The following ZDHHC7 variants were observed in gnomAD, a reference collection of about 807,000 sequenced individuals.
ZDHHC7 encodes the protein zDHHC palmitoyltransferase 7.
In ZDHHC7, 12 loss-of-function variants were observed where a neutral mutation model predicts 34.1. The ratio of observed to expected loss-of-function variants is 0.35; its 90% CI spans 0.23 to 0.57. The LOEUF (loss-of-function observed/expected upper bound fraction) is 0.57, where lower values mean the gene tolerates loss of function less well. ZDHHC7 is among the 20% of genes least tolerant of loss of function. ZDHHC7 has a pLI of 0.84. For missense variants in ZDHHC7, 388 were observed against 402.7 expected (o/e 0.96, Z 0.31); for synonymous variants, 185 against 155.4 (o/e 1.19, Z -1.42).
At chr16:84,985,497 A>C (rs995436070) in intron 3 of ZDHHC7, among the ~76,000 whole-genome samples, 1 of 152,254 alleles carries the variant, frequency 6.6e-6, no homozygotes, top group Non-Finnish European at 1.5e-5. Context: ...ACAGGGATGT[A>C]AACTGCAAAC....
rs1358598511 is a variant in ZDHHC7, at chr16:84,974,798, C to T, written c.*1545G>A. 1 of 152,668 alleles carries T rather than the reference C, an allele frequency of 6.6e-6. No homozygotes were observed. The highest frequency in any genetic ancestry group is 1.5e-5 in the Non-Finnish European group (1 of 68,060). 9.5% of individuals were successfully genotyped at this position (152,668 alleles called of 1,614,324 possible). A position where few individuals can be genotyped will look rare whatever the true frequency, so the allele number is the denominator to read the frequency against. On this transcript the variant is annotated 3_prime_UTR_variant, in exon 8 of 8. Transcript: ENST00000313732. ...GCGGTGACCAAGTCCACTTCCAAAC[C>T]CCCTGCAGGTTTGCTCGCTTGGCTA...
At chr16:84,997,938 A>G (rs1424494392) in intron 1 of ZDHHC7, among the ~76,000 whole-genome samples, 2 of 147,862 alleles carry the variant, frequency 1.4e-5, no homozygotes, top group Non-Finnish European at 1.5e-5. Context: ...CCCAGAGAGG[A>G]GAACTAGAAG....
chr16:85,014,089 C>G (rs1011829045), upstream of ZDHHC7, among the ~76,000 whole-genome samples: 4 of 152,128 alleles, frequency 2.6e-5, no homozygotes, highest in African/African-American at 9.7e-5. Flanking sequence ...ATCTTTGCGC[C>G]CATTTTAAAG....
rs1177444976 is a variant in ZDHHC7 at position 84,976,038 on chromosome 16, C to T, written c.*305G>A. On this transcript the variant is annotated 3_prime_UTR_variant, in exon 8 of 8. Transcript: ENST00000313732. ...TGATTGGAAACAGCAGCTCAGGACCCAGGATTTGAATAACCCATGTAATAA... is the reference window on the plus strand; with the variant it reads ...TGATTGGAAACAGCAGCTCAGGACCTAGGATTTGAATAACCCATGTAATAA... 2.9e-6 allele frequency: 1 copy of T among 346,910 alleles called. No individual in the cohort carries two copies. Among genetic ancestry groups the T allele is most frequent in the South Asian group, 3.4e-5 (1 of 29,184 alleles). The allele number at this position is 346,910 out of a possible 1,614,324, so 21.5% of individuals were successfully genotyped here.
chr16:85,001,374 G>A (rs974324936), intron 1 of ZDHHC7, among the ~76,000 whole-genome samples: 3 of 150,050 alleles, frequency 2.0e-5, no homozygotes, highest in African/African-American at 7.4e-5. Context: ...GGGCAGCTGA[G>A]GCAGGAAAAT....
chr16:84,991,927 C>T (rs2072514793), intron 2 of ZDHHC7, among the ~76,000 whole-genome samples: 1 of 152,078 alleles, frequency 6.6e-6, no homozygotes. Flanking sequence ...GGACCGGGCA[C>T]AGTGGCTCAT....
intron 2 of ZDHHC7, among the ~76,000 whole-genome samples, chr16:84,993,685 C>A (rs893026025): frequency 6.6e-6 from 1 of 152,080 alleles, no homozygotes; most frequent in Admixed American, 6.5e-5. Context: ...TAAAAATAAT[C>A]ATTTGAGTGA....
At chr16:84,998,463 G>A (rs915524878) in intron 1 of ZDHHC7, among the ~76,000 whole-genome samples, 20 of 152,220 alleles carry the variant, frequency 1.3e-4, no homozygotes, top group African/African-American at 4.6e-4. Flanking sequence ...TTTTCTGCCT[G>A]AGTCAACCCC....
At chr16:85,015,890 G>A (rs185014428), upstream of ZDHHC7, among the ~76,000 whole-genome samples, 80 of 152,028 alleles carry the variant, frequency 5.3e-4, no homozygotes, top group African/African-American at 1.9e-3. Flanking sequence ...CTCAGGGCCT[G>A]CTATCTGTCA....
At chr16:85,004,020 C>G (rs942645348) in intron 1 of ZDHHC7, among the ~76,000 whole-genome samples, 1 of 152,048 alleles carries the variant, frequency 6.6e-6, no homozygotes, top group Admixed American at 6.6e-5. Flanking sequence ...CTCAGTTTCA[C>G]GAAGTTTAAA....
chr16:84,976,033 G>C lies in ZDHHC7; in HGVS notation c.*310C>G, dbSNP rs1034851839. ...CTTCATGATTGGAAACAGCAGCTCA[G>C]GACCCAGGATTTGAATAACCCATGT... On this transcript the variant is annotated 3_prime_UTR_variant, in exon 8 of 8. Coordinates refer to ENST00000313732, the MANE Select transcript of ZDHHC7 (RefSeq NM_017740.3). 1 of 336,640 alleles carries C rather than the reference G, an allele frequency of 3.0e-6. No homozygotes were observed. The highest frequency in any genetic ancestry group is 5.4e-6 in the Non-Finnish European group (1 of 184,314). The allele number at this position is 336,640 out of a possible 1,614,324, so 20.9% of individuals were successfully genotyped here.
the ZDHHC7 span, among the ~76,000 whole-genome samples, chr16:85,026,800 C>A: frequency 6.6e-6 from 1 of 151,908 alleles, no homozygotes; most frequent in African/African-American, 2.4e-5. Context: ...ATTTAAGGAG[C>A]TACCAGAAGG....
the ZDHHC7 span, among the ~76,000 whole-genome samples, chr16:85,022,521 TTAA>T: frequency 6.6e-6 from 1 of 152,112 alleles, no homozygotes; most frequent in Non-Finnish European, 1.5e-5. Flanking sequence ...AGACTCTGTC[TTAA>T]TAATAAGAAG....
At chr16:85,014,049 G>C (rs556787732), upstream of ZDHHC7, among the ~76,000 whole-genome samples, 2 of 152,266 alleles carry the variant, frequency 1.3e-5, no homozygotes, top group East Asian at 3.9e-4. Flanking sequence ...GAGATAAGGA[G>C]TTTTCTTTTC....
At chr16:85,025,973 C>T in the ZDHHC7 span, among the ~76,000 whole-genome samples, 2 of 152,200 alleles carry the variant, frequency 1.3e-5, no homozygotes, top group African/African-American at 2.4e-5. Flanking sequence ...GTTCACTGAT[C>T]TGTGGTTTGC....
chr16:85,022,332 C>A, the ZDHHC7 span, among the ~76,000 whole-genome samples: 1 of 151,934 alleles, frequency 6.6e-6, no homozygotes, highest in Non-Finnish European at 1.5e-5. Flanking sequence ...ACCAGCCTGG[C>A]CAACATGGTG....
intron 1 of ZDHHC7, among the ~76,000 whole-genome samples, chr16:85,010,015 G>A (rs1428938145): frequency 1.3e-5 from 2 of 149,282 alleles, no homozygotes; most frequent in Non-Finnish European, 3.0e-5. Context: ...GCCAAGTTCT[G>A]ACTTTTAACA....
intron 4 of ZDHHC7, 26 bp downstream of exon 4, chr16:84,981,844 C>T (rs1204013067): frequency 6.2e-6 from 10 of 1,613,206 alleles, no homozygotes; most frequent in Non-Finnish European, 8.5e-6. Context: ...CGGATGCGCT[C>T]GGGTTTAATA....
intron 6 of ZDHHC7, 165 bp from the exon 7 acceptor site, chr16:84,977,390 G>C (rs532273558): frequency 1.2e-6 from 1 of 846,700 alleles, no homozygotes; most frequent in South Asian, 2.0e-5. Flanking sequence ...AGCAGAGGAG[G>C]GCCACCCTTC....
Sources: gnomAD v4.1 joint callset for allele counts (sites outside exome capture counted in the v4.1 genomes callset) on GRCh38, gnomAD v4.1.1 for gene constraint, MANE v1.5 for transcripts, NCBI Gene and HGNC (gene_info 2026-07-23, HGNC 2026-07-21) for gene names.